The following SLIT3 variants were observed in gnomAD, a reference collection of about 807,000 sequenced individuals.
The protein encoded by SLIT3 is slit homolog 3 protein.
SLIT3 carries 68 observed loss-of-function variants against 184.0 expected under a neutral mutation model. The observed-to-expected ratio is 0.37, with a 90% CI of 0.30 to 0.45. The LOEUF is 0.45. Among genes scored for constraint, SLIT3 ranks in the 20% least tolerant of loss-of-function variants. SLIT3 has a pLI of 1.00. For synonymous variants in SLIT3, 831 were observed against 828.6 expected (o/e 1.00, Z -0.05); for missense variants, 1,707 against 2,026.0 (o/e 0.84, Z 3.02).
chr5:169,056,138 G>A (rs908906691), intron 4 of SLIT3, among the ~76,000 whole-genome samples: 1 of 152,138 alleles, frequency 6.6e-6, no homozygotes, highest in Non-Finnish European at 1.5e-5. Context: ...AGTGGAGTGG[G>A]GGTATAAAAT....
chr5:168,908,027 A>C (rs1383734809), intron 4 of SLIT3, among the ~76,000 whole-genome samples: 4 of 139,590 alleles, frequency 2.9e-5, no homozygotes, highest in Non-Finnish European at 4.6e-5. Flanking sequence ...TTCATTTCAT[A>C]TTCTTTTTTC....
At chr5:169,044,587 T>TGGGGGGGGGGGGGGGGAGGG (rs57256659) in intron 4 of SLIT3, among the ~76,000 whole-genome samples, 2 of 70,640 alleles carry the variant, frequency 2.8e-5, no homozygotes, top group Non-Finnish European at 7.2e-5. Context: ...TGGAGGAAGG[T>TGGGGGGGGGGGGGGGGAGGG]GGGGGGGGGG....
Position 169,151,655 on chromosome 5 carries a change from A to T in SLIT3, c.413+41824T>A, listed in dbSNP as rs571350624. Among the ~76,000 whole-genome samples, 15 of 152,326 alleles carry T rather than the reference A, an allele frequency of 9.8e-5. No individual in the cohort carries two copies. In the South Asian group the frequency reaches 1.9e-3, roughly 19 times the overall value. ...CTTTATTTAGTGAGATGACTTGGCCATTTGCTACTAACTTCCCAGGCTTGT... is the reference window on the plus strand; with the variant it reads ...CTTTATTTAGTGAGATGACTTGGCCTTTTGCTACTAACTTCCCAGGCTTGT... On this transcript the variant is annotated intron_variant, in intron 4 of 35. Coordinates refer to ENST00000519560, the MANE Select transcript of SLIT3 (RefSeq NM_003062.4).
intron 1 of SLIT3, among the ~76,000 whole-genome samples, chr5:169,273,964 A>G (rs2113636518): frequency 6.6e-6 from 1 of 152,316 alleles, no homozygotes; most frequent in Admixed American, 6.5e-5. Context: ...ACAATCAAGC[A>G]ACCTTGTACC....
chr5:169,247,899 C>T (rs1765650619), intron 2 of SLIT3, among the ~76,000 whole-genome samples: 1 of 152,154 alleles, frequency 6.6e-6, no homozygotes, highest in South Asian at 2.1e-4. Context: ...GCTGGGATTA[C>T]AGGCGTGAGC....
intron 4 of SLIT3, among the ~76,000 whole-genome samples, chr5:168,909,886 T>G (rs1304643459): frequency 6.6e-6 from 1 of 152,224 alleles, no homozygotes; most frequent in African/African-American, 2.4e-5. Context: ...CAGGTTCAAG[T>G]CTGAGCCACA....
chr5:168,781,814 C>T (rs1755980958), intron 12 of SLIT3, among the ~76,000 whole-genome samples: 1 of 152,166 alleles, frequency 6.6e-6, no homozygotes, highest in Non-Finnish European at 1.5e-5. Context: ...GATGGATGTG[C>T]TGTGGTTAAG....
At chr5:169,259,465 A>G (rs1215514736) in intron 1 of SLIT3, among the ~76,000 whole-genome samples, 3 of 152,238 alleles carry the variant, frequency 2.0e-5, no homozygotes, top group Non-Finnish European at 4.4e-5. Flanking sequence ...ACTTTTAAAA[A>G]GATGTTCATC....
intron 4 of SLIT3, among the ~76,000 whole-genome samples, chr5:168,950,988 AGGCT>A (rs2113239966): frequency 6.6e-6 from 1 of 152,354 alleles, no homozygotes; most frequent in East Asian, 1.9e-4. Context: ...TGGGAGGCCA[AGGCT>A]GGTGGATTAC....
Position 168,824,560 on chromosome 5 carries a change from A to G in SLIT3, c.558-1229T>C, listed in dbSNP as rs563730595. ...ATCACGTAGCAGGAGGGCCTTTTGCATCAGTTACTTCAGTGACTACCCAGG... is the reference window on the plus strand; with the variant it reads ...ATCACGTAGCAGGAGGGCCTTTTGCGTCAGTTACTTCAGTGACTACCCAGG... On this transcript the variant is annotated intron_variant, in intron 6 of 35. Coordinates refer to ENST00000519560, the MANE Select transcript of SLIT3 (RefSeq NM_003062.4). Among the ~76,000 whole-genome samples, 6 of 152,320 alleles carry G rather than the reference A, an allele frequency of 3.9e-5. No individual in the cohort carries two copies. In the South Asian group the frequency reaches 6.2e-4, roughly 16 times the overall value.
chr5:168,725,520 C>A (rs2113378622), intron 20 of SLIT3, among the ~76,000 whole-genome samples: 1 of 152,288 alleles, frequency 6.6e-6, no homozygotes, highest in East Asian at 1.9e-4. Context: ...GCATCCTCTC[C>A]TATAAGAGTC....
At chr5:168,702,063 A>G (rs2113287307) in intron 26 of SLIT3, among the ~76,000 whole-genome samples, 1 of 152,338 alleles carries the variant, frequency 6.6e-6, no homozygotes, top group Admixed American at 6.5e-5. Flanking sequence ...GTCCCAGCAA[A>G]GGGGCCAGTC....
intron 20 of SLIT3, 137 bp downstream of exon 20, chr5:168,748,165 T>C (rs1754557488): frequency 6.9e-6 from 7 of 1,018,426 alleles, no homozygotes; most frequent in Non-Finnish European, 9.5e-6. Context: ...CACTGCCATC[T>C]TGCTGGGATC....
chr5:168,920,913 T>C (rs773199174), intron 4 of SLIT3, among the ~76,000 whole-genome samples: 7 of 152,144 alleles, frequency 4.6e-5, no homozygotes, highest in Non-Finnish European at 8.8e-5. Context: ...CCACCACACA[T>C]CGCTCATTCC....
chr5:169,120,089 T>C (rs1760825063), intron 4 of SLIT3: 2 of 152,248 alleles, frequency 1.3e-5, no homozygotes, highest in Admixed American at 1.3e-4. Context: ...AAGGATATCT[T>C]CTTAAGTAGG....
At chr5:168,717,681 G>T (rs1379918042) in intron 23 of SLIT3, among the ~76,000 whole-genome samples, 1 of 150,356 alleles carries the variant, frequency 6.7e-6, no homozygotes, top group East Asian at 1.9e-4. Context: ...TTTTTTTTGA[G>T]ACCGAATCTC....
chr5:168,834,561 G>A (rs1180520570), intron 6 of SLIT3, among the ~76,000 whole-genome samples: 3 of 151,468 alleles, frequency 2.0e-5, no homozygotes, highest in Non-Finnish European at 1.5e-5. Flanking sequence ...GTATGGTGGT[G>A]CATGCCTGTA....
At chr5:168,978,616 G>A (rs1754845916) in intron 4 of SLIT3, among the ~76,000 whole-genome samples, 1 of 152,084 alleles carries the variant, frequency 6.6e-6, no homozygotes, top group South Asian at 2.1e-4. Flanking sequence ...AAGGAGAGAA[G>A]GATCAGAAAA....
At position 168,835,841 on chromosome 5, in the gene SLIT3, G is replaced by A. The variant is rs571313571; in HGVS notation, c.557+8743C>T. On this transcript the variant is annotated intron_variant, in intron 6 of 35. Transcript: ENST00000519560. ...AAAAAAAAAATTTGTTTTTGTTTTT[G>A]TTTTAGTTTGTGTAGAGGTCTTGCT... Among the ~76,000 whole-genome samples, 9 of 151,624 alleles carry A rather than the reference G, an allele frequency of 5.9e-5. No homozygotes were observed. In the East Asian group the frequency reaches 1.7e-3, roughly 29 times the overall value.
Sources: allele counts gnomAD v4.1 joint callset (sites outside exome capture counted in the v4.1 genomes callset), GRCh38; gene constraint gnomAD v4.1.1; transcripts MANE v1.5; gene names NCBI Gene and HGNC (gene_info 2026-07-23, HGNC 2026-07-21).